CCDC141: variants seen among roughly 807,000 people sequenced by gnomAD.
CCDC141 encodes the protein coiled-coil domain-containing protein 141.
In CCDC141, 168 loss-of-function variants were observed where a neutral mutation model predicts 181.0. That is an observed-to-expected ratio of 0.93 (90% CI 0.82 to 1.05). CCDC141 has a LOEUF of 1.05. Among genes scored for constraint, CCDC141 ranks in the 50% least tolerant of loss-of-function variants. The pLI is 0.00. For missense variants in CCDC141, 1,902 were observed against 1,788.5 expected, an observed-to-expected ratio of 1.06 and a Z score of -1.14; for synonymous variants, 666 against 642.3, an observed-to-expected ratio of 1.04 and a Z score of -0.56.
chr2:179,037,882 C>A (rs2043188103), intron 2 of CCDC141, among the ~76,000 whole-genome samples: 1 of 152,092 alleles, frequency 6.6e-6, no homozygotes, highest in Non-Finnish European at 1.5e-5. Context: ...AGACGTGGAC[C>A]AATCGGAACA....
intron 17 of CCDC141, 63 bp downstream of exon 17, chr2:178,865,704 C>T (rs1411345693): frequency 2.5e-5 from 35 of 1,373,656 alleles, no homozygotes; most frequent in Non-Finnish European, 3.1e-5. Context: ...GACATTTAGA[C>T]ACATGCTTTA....
At position 178,872,231 on chromosome 2, in the gene CCDC141, C is replaced by T. The variant is rs781383734; in HGVS notation, c.1981G>A (p.Glu661Lys). 9 of 1,613,904 alleles carry T rather than the reference C, an allele frequency of 5.6e-6. No homozygotes were observed. In the Admixed American group the frequency reaches 1.5e-4, roughly 27 times the overall value. The stretch of plus-strand genomic sequence containing the variant: ...GCCAGCCGAAGGAGGCTAAGTTCTT[C>T]CCGTTCTGCTTTCTGGTTTTCCATG... The part of the protein sequence containing the change: ...NTMENQKAER[E>K]ELSLLRLAWQ... Residue 661 changes from glutamate to lysine, a missense_variant, in exon 13 of 24, where the codon GAA becomes AAA. Coordinates refer to ENST00000443758, the MANE Select transcript of CCDC141 (RefSeq NM_173648.4).
At chr2:178,952,879 TCTTC>T (rs1339606932) in intron 5 of CCDC141, among the ~76,000 whole-genome samples, 4 of 105,370 alleles carry the variant, frequency 3.8e-5, no homozygotes, top group Non-Finnish European at 6.9e-5. Flanking sequence ...AATTTTTTTC[TCTTC>T]TTTTTTTTGA....
At chr2:179,048,214 T>G (rs79351807) in intron 1 of CCDC141, among the ~76,000 whole-genome samples, 5,061 of 152,314 alleles carry the variant, frequency 0.033, 95 homozygotes, top group South Asian at 0.058. Context: ...TAGAAAAATG[T>G]ATTTCTATTT....
chr2:178,961,231 TG>T lies in CCDC141; in HGVS notation c.778del (p.Gln260ArgfsTer10). The T allele has an allele frequency of 6.5e-7, 1 of 1,550,062 alleles. No homozygotes were observed. Among genetic ancestry groups the T allele is most frequent in the Non-Finnish European group, 8.7e-7 (1 of 1,146,588 alleles). ...QICQWDQQEN[Q>X]VTCWFQKTIR... ...TCATCCAATGCCCCTTTGGGTTACC[TG>T]GTTTTCTTGTTGGTCCCACTGACAT... is the stretch of plus-strand genomic sequence containing the variant. On this transcript the variant is annotated frameshift_variant and splice_region_variant, in exon 5 of 24. Transcript: ENST00000443758. LOFTEE classifies it high-confidence loss of function.
At chr2:178,995,533 C>T (rs1411828410) in intron 2 of CCDC141, among the ~76,000 whole-genome samples, 2 of 152,070 alleles carry the variant, frequency 1.3e-5, no homozygotes, top group Non-Finnish European at 2.9e-5. Flanking sequence ...CATGTAAAGT[C>T]CTTTATTGGC....
intron 13 of CCDC141, 107 bp from the exon 14 acceptor site, chr2:178,871,659 G>A (rs1348053828): frequency 7.8e-7 from 1 of 1,278,238 alleles, no homozygotes; most frequent in African/African-American, 1.5e-5. Context: ...CAAACCCCAT[G>A]AAAACACTCA....
intron 6 of CCDC141, among the ~76,000 whole-genome samples, chr2:178,923,423 A>G (rs947175590): frequency 2.6e-5 from 4 of 152,176 alleles, no homozygotes; most frequent in Non-Finnish European, 4.4e-5. Flanking sequence ...TATTTTTAAG[A>G]TGAAACTTTC....
intron 2 of CCDC141, among the ~76,000 whole-genome samples, chr2:179,043,428 T>C (rs542446073): frequency 6.8e-4 from 104 of 152,258 alleles, no homozygotes; most frequent in African/African-American, 2.4e-3. Flanking sequence ...TTGATGAACA[T>C]TGATGCAAAA....
Position 179,015,077 on chromosome 2 carries a change from TA to T in CCDC141, c.225+32206del, listed in dbSNP as rs1559048430. Among the ~76,000 whole-genome samples the T allele has an allele frequency of 1.5e-3, 32 of 21,500 alleles. 1 individual carries two copies. The highest frequency in any genetic ancestry group is 4.5e-3 in the African/African-American group (29 of 6,390). 14.1% of individuals were successfully genotyped at this position (21,500 alleles called of 152,430 possible). On this transcript the variant is annotated intron_variant, in intron 2 of 23. Transcript: ENST00000443758. ...TGTGAGAGAGACAGAGATATATATATATATATATATATATATATATATATAT... is the reference window on the plus strand; with the variant it reads ...TGTGAGAGAGACAGAGATATATATATTATATATATATATATATATATATAT...
intron 2 of CCDC141, among the ~76,000 whole-genome samples, chr2:179,013,980 AAAAAAAAG>A (rs1424079528): frequency 1.8e-3 from 263 of 149,624 alleles, no homozygotes; most frequent in African/African-American, 6.3e-3. Flanking sequence ...AAAAAAAAAA[AAAAAAAAG>A]GACAAATCTA....
At chr2:178,840,560 G>A (rs1287405161) in intron 22 of CCDC141, among the ~76,000 whole-genome samples, 1 of 152,140 alleles carries the variant, frequency 6.6e-6, no homozygotes, top group Admixed American at 6.6e-5. Flanking sequence ...CCTCACTTTT[G>A]GATTTGCCTT....
At chr2:178,918,566 A>G (rs537213076) in intron 7 of CCDC141, 147 bp downstream of exon 7, 1 of 575,032 alleles carries the variant, frequency 1.7e-6, no homozygotes, top group Non-Finnish European at 3.0e-6. Context: ...TAATAGGAAT[A>G]TATGTTAAAA....
chr2:179,043,628 C>T (rs530911150), intron 2 of CCDC141, among the ~76,000 whole-genome samples: 1 of 152,280 alleles, frequency 6.6e-6, no homozygotes, highest in Admixed American at 6.5e-5. Flanking sequence ...TTCAACATCC[C>T]TTCATGTTAA....
At chr2:178,990,534 GAGGAAGGAAGGAAGGA>G in intron 2 of CCDC141, among the ~76,000 whole-genome samples, 1 of 134,504 alleles carries the variant, frequency 7.4e-6, no homozygotes, top group Admixed American at 7.8e-5. Context: ...GAAAGAGAGA[GAGGAAGGAAGGAAGGA>G]AGGAAGGAAG....
At chr2:178,958,821 G>T (rs1369007755) in intron 5 of CCDC141, among the ~76,000 whole-genome samples, 2 of 150,472 alleles carry the variant, frequency 1.3e-5, no homozygotes. Flanking sequence ...AAAACTTACT[G>T]TAGCTATTTT....
At chr2:179,028,887 A>G (rs1464760202) in intron 2 of CCDC141, among the ~76,000 whole-genome samples, 1 of 152,198 alleles carries the variant, frequency 6.6e-6, no homozygotes, top group East Asian at 1.9e-4. Context: ...ACATATAGTT[A>G]TAAAGGCAAC....
the CCDC141 span, among the ~76,000 whole-genome samples, chr2:178,820,724 G>A: frequency 2.0e-5 from 3 of 152,104 alleles, no homozygotes; most frequent in Non-Finnish European, 4.4e-5. Flanking sequence ...ATGTGTTAAA[G>A]CTTATTTCAA....
intron 1 of CCDC141, 113 bp from the exon 2 acceptor site, chr2:179,047,519 T>C: frequency 2.2e-6 from 2 of 912,674 alleles, no homozygotes; most frequent in Non-Finnish European, 3.0e-6. Context: ...AAACACTTTT[T>C]TCTATTTTCT....
Sources: gnomAD v4.1 joint callset for allele counts (sites outside exome capture counted in the v4.1 genomes callset) on GRCh38, gnomAD v4.1.1 for gene constraint, MANE v1.5 for transcripts, NCBI Gene and HGNC (gene_info 2026-07-23, HGNC 2026-07-21) for gene names.